EXPH5: variants seen among roughly 807,000 people sequenced by gnomAD.
EXPH5 encodes the protein exophilin-5.
A neutral mutation model predicts 41.1 loss-of-function variants in EXPH5; 42 were observed. The ratio of observed to expected loss-of-function variants is 1.02; its 90% CI spans 0.80 to 1.32. The LOEUF is 1.32. Among genes scored for constraint, EXPH5 ranks in the 40% most tolerant of loss-of-function variants. The probability of loss-of-function intolerance (pLI) is 0.00; values close to 1 mark genes in which losing one functional copy is unlikely to be tolerated. For missense variants in EXPH5, 2,298 were observed against 2,314.5 expected, an observed-to-expected ratio of 0.99 and a Z score of 0.15; for synonymous variants, 798 against 833.5, an observed-to-expected ratio of 0.96 and a Z score of 0.73.
At chr11:108,528,970 T>G (rs1365457325) in intron 3 of EXPH5, among the ~76,000 whole-genome samples, 5 of 152,008 alleles carry the variant, frequency 3.3e-5, no homozygotes, top group South Asian at 2.1e-4. Flanking sequence ...CCTAAAGTGC[T>G]GGGATTACAG....
chr11:108,586,772 T>G (rs1407107882), intron 1 of EXPH5, among the ~76,000 whole-genome samples: 1 of 151,680 alleles, frequency 6.6e-6, no homozygotes, highest in Non-Finnish European at 1.5e-5. Flanking sequence ...ATTTGGTCAC[T>G]GTCATCTCCC....
At chr11:108,554,620 A>G (rs948110853) in intron 1 of EXPH5, among the ~76,000 whole-genome samples, 1 of 151,964 alleles carries the variant, frequency 6.6e-6, no homozygotes, top group Non-Finnish European at 1.5e-5. Context: ...AAAGAGATCT[A>G]TGGTAGTAAA....
chr11:108,512,228 A>G lies in EXPH5; in HGVS notation c.3279T>C (p.Pro1093=), dbSNP rs2093687954. 6.2e-7 allele frequency: 1 copy of G among 1,607,334 alleles called. No individual in the cohort carries two copies. Among genetic ancestry groups the G allele is most frequent in the Non-Finnish European group, 8.5e-7 (1 of 1,177,774 alleles). Residue 1093 remains proline (P), a synonymous_variant, in exon 6 of 6, where the codon CCT becomes CCC. Coordinates refer to ENST00000265843, the MANE Select transcript of EXPH5 (RefSeq NM_015065.3). ...KVLSDSALEA[P]EATERMTNVK... ...CATTTGTCATTCTCTCTGTGGCTTC[A>G]GGTGCTTCCAGGGCTGAGTCTGAAA... is the stretch of plus-strand genomic sequence containing the variant.
At chr11:108,560,151 A>G (rs566547431) in intron 1 of EXPH5, among the ~76,000 whole-genome samples, 2 of 152,322 alleles carry the variant, frequency 1.3e-5, no homozygotes, top group South Asian at 4.1e-4. Flanking sequence ...TCTAAATGTC[A>G]GCACCATGAA....
At chr11:108,587,557 A>G (rs2094116933) in intron 1 of EXPH5, among the ~76,000 whole-genome samples, 1 of 152,252 alleles carries the variant, frequency 6.6e-6, no homozygotes, top group Non-Finnish European at 1.5e-5. Context: ...ACCTGTGCAC[A>G]CATTAACATT....
rs772454302 is a variant in EXPH5, at chr11:108,510,129, C to T, written c.5378G>A (p.Arg1793His). The change falls in exon 6 of 6, where the codon CGT becomes CAT. Residue 1793 changes from arginine to histidine, a missense_variant. Transcript: ENST00000265843. ...ATTAATGCTTTTTAAACTCTTTGAACGATAGAGGTGTGGCTCAGGTTCCCA... is the reference window on the plus strand; with the variant it reads ...ATTAATGCTTTTTAAACTCTTTGAATGATAGAGGTGTGGCTCAGGTTCCCA... ...LEWEPEPHLY[R>H]SKSLKSINVH... is the part of the protein sequence containing the mutation. 20 of 1,613,720 alleles carry T rather than the reference C, an allele frequency of 1.2e-5. No homozygotes were observed. The highest frequency in any genetic ancestry group is 3.3e-5 in the Admixed American group (2 of 59,994).
In EXPH5 at chr11:108,512,537, T is replaced by C; in HGVS notation, c.2970A>G (p.Glu990=). The change falls in exon 6 of 6, where the codon GAA becomes GAG. Residue 990 remains glutamate (E), a synonymous_variant. Coordinates refer to ENST00000265843, the MANE Select transcript of EXPH5 (RefSeq NM_015065.3). The part of the protein sequence containing the change: ...ISCIEKLSKT[E]SISVPTSDHR... ...GATCACTGGTGGGTACTGATATACT[T>C]TCTGTTTTGCTTAACTTTTCAATAC... 1 of 1,612,594 alleles carries C rather than the reference T, an allele frequency of 6.2e-7. No homozygotes were observed. Among genetic ancestry groups the C allele is most frequent in the East Asian group, 2.2e-5 (1 of 44,872 alleles).
chr11:108,539,188 T>C lies in EXPH5; in HGVS notation c.281-2A>G. 6.4e-7 allele frequency: 1 copy of C among 1,557,536 alleles called. No homozygotes were observed. The highest frequency in any genetic ancestry group is 8.7e-7 in the Non-Finnish European group (1 of 1,152,250). ...TTGATGTAGGTAATTCTATCGGATC[T>C]AGAAAAAAAAATTGTAAAAATTTTG... is the stretch of plus-strand genomic sequence containing the variant. On this transcript the variant is annotated splice_acceptor_variant, in intron 2 of 5. Coordinates refer to ENST00000265843, the MANE Select transcript of EXPH5 (RefSeq NM_015065.3). LOFTEE classifies it high-confidence loss of function.
At chr11:108,592,962 T>C (rs1394358789) in intron 1 of EXPH5, among the ~76,000 whole-genome samples, 3 of 152,206 alleles carry the variant, frequency 2.0e-5, no homozygotes, top group African/African-American at 4.8e-5. Flanking sequence ...GAAAACTGCG[T>C]TAGGCGAGGG....
chr11:108,537,015 G>T (rs1438618461), intron 3 of EXPH5, among the ~76,000 whole-genome samples: 2 of 152,174 alleles, frequency 1.3e-5, no homozygotes, highest in Admixed American at 6.5e-5. Flanking sequence ...CCCTCCCAGG[G>T]TGCTCGTAGG....
At chr11:108,521,069 C>T (rs2093762163) in intron 4 of EXPH5, among the ~76,000 whole-genome samples, 1 of 152,132 alleles carries the variant, frequency 6.6e-6, no homozygotes, top group Non-Finnish European at 1.5e-5. Context: ...GCTCATCCTG[C>T]ACTCATCCAC....
chr11:108,584,833 C>T (rs1208302557), intron 1 of EXPH5, among the ~76,000 whole-genome samples: 1 of 152,124 alleles, frequency 6.6e-6, no homozygotes, highest in Non-Finnish European at 1.5e-5. Flanking sequence ...TGTTTGTAAT[C>T]TGGGCTGAGG....
chr11:108,564,474 T>C (rs2136086270), intron 1 of EXPH5, among the ~76,000 whole-genome samples: 1 of 152,336 alleles, frequency 6.6e-6, no homozygotes, highest in East Asian at 1.9e-4. Context: ...AATGCTATGC[T>C]ATGTCAGTAT....
intron 1 of EXPH5, among the ~76,000 whole-genome samples, chr11:108,560,647 C>T (rs1392030476): frequency 3.9e-5 from 6 of 152,194 alleles, no homozygotes; most frequent in African/African-American, 1.4e-4. Context: ...TAAGTTTTGT[C>T]TGTAGATGTA....
chr11:108,516,311 T>A (rs957989345), intron 5 of EXPH5, among the ~76,000 whole-genome samples: 1 of 152,168 alleles, frequency 6.6e-6, no homozygotes, highest in Non-Finnish European at 1.5e-5. Flanking sequence ...CCAGGGCTCA[T>A]GCTCTCTAGG....
chr11:108,585,404 A>G (rs2094110231), intron 1 of EXPH5, among the ~76,000 whole-genome samples: 1 of 152,128 alleles, frequency 6.6e-6, no homozygotes. Flanking sequence ...CTCCCTCATG[A>G]ATGGATCAGT....
intron 1 of EXPH5, among the ~76,000 whole-genome samples, chr11:108,564,775 G>T (rs1591744090): frequency 6.6e-6 from 1 of 151,508 alleles, no homozygotes; most frequent in Non-Finnish European, 1.5e-5. Flanking sequence ...GCCAATGTTA[G>T]TTATGTCTAT....
At chr11:108,601,884 G>T in the EXPH5 span, among the ~76,000 whole-genome samples, 3 of 152,252 alleles carry the variant, frequency 2.0e-5, no homozygotes, top group Admixed American at 2.0e-4. Flanking sequence ...ACGTCGCTGG[G>T]TCTACAGGTG....
intron 1 of EXPH5, among the ~76,000 whole-genome samples, chr11:108,592,273 G>A (rs2094129312): frequency 6.6e-6 from 1 of 152,166 alleles, no homozygotes; most frequent in Admixed American, 6.5e-5. Context: ...ATGTTTAGGG[G>A]AGAAGGGTGA....
Sources: gnomAD v4.1 joint callset for allele counts (sites outside exome capture counted in the v4.1 genomes callset) on GRCh38, gnomAD v4.1.1 for gene constraint, MANE v1.5 for transcripts, NCBI Gene and HGNC (gene_info 2026-07-23, HGNC 2026-07-21) for gene names.